NRDC: variants seen among roughly 807,000 people sequenced by gnomAD.
NRDC encodes nardilysin convertase, also known as nardilysin.
A neutral mutation model predicts 147.1 loss-of-function variants in NRDC; 54 were observed. The ratio of observed to expected loss-of-function variants is 0.37; its 90% CI spans 0.29 to 0.46. NRDC has a LOEUF of 0.46. Ranked by LOEUF, NRDC falls within the 20% of genes least tolerant of loss-of-function variation. NRDC has a pLI of 1.00. For missense variants in NRDC, 1,082 were observed against 1,370.6 expected, an observed-to-expected ratio of 0.79 and a Z score of 3.33; for synonymous variants, 440 against 482.1, an observed-to-expected ratio of 0.91 and a Z score of 1.14.
intron 1 of NRDC, among the ~76,000 whole-genome samples, chr1:51,844,640 G>A (rs1211592778): frequency 3.3e-5 from 5 of 151,626 alleles, no homozygotes; most frequent in Non-Finnish European, 5.9e-5. Context: ...TCAGCTACTC[G>A]GGAGGCTGAG....
intron 1 of NRDC, among the ~76,000 whole-genome samples, chr1:51,851,415 T>TTTAATGACATTAA: frequency 6.6e-6 from 1 of 152,004 alleles, no homozygotes; most frequent in Admixed American, 6.5e-5. Context: ...GTTTGTCACC[T>TTTAATGACATTAA]AGGTTTTGCG....
At chr1:51,870,240 T>G (rs1284470309) in intron 1 of NRDC, among the ~76,000 whole-genome samples, 1 of 152,164 alleles carries the variant, frequency 6.6e-6, no homozygotes, top group African/African-American at 2.4e-5. Context: ...TAGCAAACAT[T>G]TAAAGTGAAT....
chr1:51,809,930 GA>G (rs1322968877), intron 16 of NRDC, among the ~76,000 whole-genome samples: 8 of 150,554 alleles, frequency 5.3e-5, no homozygotes, highest in Non-Finnish European at 1.0e-4. Context: ...AAAGAAAAAA[GA>G]GAAATGCAGA....
At chr1:51,795,256 T>G in intron 22 of NRDC, 1 of 1,230,924 alleles carries the variant, frequency 8.1e-7, no homozygotes, top group Non-Finnish European at 1.1e-6. Context: ...GAATACATCC[T>G]CTTCCCTTCT....
At chr1:51,813,538 C>G (rs1161260378) in intron 14 of NRDC, among the ~76,000 whole-genome samples, 1 of 152,156 alleles carries the variant, frequency 6.6e-6, no homozygotes, top group Non-Finnish European at 1.5e-5. Context: ...CTCAAGCAAC[C>G]TGCCTGCTCG....
Position 51,825,365 on chromosome 1 carries a change from G to A in NRDC, c.958C>T (p.Pro320Ser). 6.3e-7 allele frequency: 1 copy of A among 1,590,394 alleles called. No homozygotes were observed. The highest frequency in any genetic ancestry group is 8.5e-7 in the Non-Finnish European group (1 of 1,174,154). ...ATTTCCTTTCTGTTTGCATCAGAAG[G>A]CCTTGCAAGTTGATATTCTGTCAAT... ...AVDSEYQLARPSDANRKEMLF... is the reference protein window; with the variant it reads ...AVDSEYQLARSSDANRKEMLF... Residue 320 changes from proline to serine, a missense_variant, in exon 6 of 31, where the codon CCT becomes TCT. Pro to Ser is a moderately conservative substitution (Grantham distance 74). Around this residue, in one of 3 missense-constraint regions of NRDC, gnomAD observed 635 missense variants for 923.8 expected, o/e 0.69. Transcript: ENST00000352171.
intron 1 of NRDC, among the ~76,000 whole-genome samples, chr1:51,857,083 A>G (rs1682290141): frequency 6.6e-6 from 1 of 152,154 alleles, no homozygotes; most frequent in Non-Finnish European, 1.5e-5. Flanking sequence ...AAACCAATAT[A>G]TATAACATCT....
chr1:51,852,575 G>GT (rs371891090), intron 1 of NRDC, among the ~76,000 whole-genome samples: 1 of 1,094 alleles, frequency 9.1e-4, no homozygotes, highest in African/African-American at 4.2e-3. Flanking sequence ...TATATTTATA[G>GT]TTTTTTTAAT....
intron 22 of NRDC, chr1:51,795,396 C>T: frequency 3.6e-6 from 1 of 274,290 alleles, no homozygotes; most frequent in Non-Finnish European, 7.0e-6. Context: ...CCTGGTACTT[C>T]AACGGTGCTC....
Position 51,850,576 on chromosome 1 carries a change from AAGTAAT to A in NRDC, c.342-10068_342-10063del, listed in dbSNP as rs144787285. On this transcript the variant is annotated intron_variant, in intron 1 of 30. Coordinates refer to ENST00000352171, the MANE Select transcript of NRDC (RefSeq NM_001101662.2). ...AAAGTAAACATGCAACTTAATAAGC[AAGTAAT>A]AGTAACTTTAAAATAGCCAAGGAAG... Among the ~76,000 whole-genome samples the A allele has an allele frequency of 6.9e-3, 1,050 of 152,316 alleles. 13 individuals carry two copies. The highest frequency in any genetic ancestry group is 0.024 in the African/African-American group (1,003 of 41,548).
intron 8 of NRDC, among the ~76,000 whole-genome samples, chr1:51,820,526 T>C (rs937478525): frequency 6.6e-6 from 1 of 152,174 alleles, no homozygotes; most frequent in Non-Finnish European, 1.5e-5. Context: ...TCTGATTTTA[T>C]TAAAGTTTCA....
chr1:51,789,343 A>G lies in NRDC; in HGVS notation c.3349T>C (p.Tyr1117His), dbSNP rs1678444507. Reference protein sequence around the residue: ...NSSCEVMQLTYLPTSPLLADC... With the variant: ...NSSCEVMQLTHLPTSPLLADC... Reference sequence around the variant, plus strand: ...GCCAGCAGAGGAGAGGTTGGCAGGTAGGTCAGCTGCATCACTTCACAAGAA... The same window carrying G: ...GCCAGCAGAGGAGAGGTTGGCAGGTGGGTCAGCTGCATCACTTCACAAGAA... Residue 1117 changes from tyrosine to histidine, a missense_variant, in exon 31 of 31, where the codon TAC (tyrosine) becomes CAC (histidine). Physicochemically the swap from Tyr to His is moderately conservative, Grantham distance 83. Transcript: ENST00000352171. The G allele has an allele frequency of 1.2e-6, 2 of 1,614,088 alleles. No individual in the cohort carries two copies. The highest frequency in any genetic ancestry group is 1.1e-5 in the South Asian group (1 of 91,084).
intron 20 of NRDC, among the ~76,000 whole-genome samples, chr1:51,802,884 T>A: frequency 6.6e-6 from 1 of 152,166 alleles, no homozygotes; most frequent in East Asian, 1.9e-4. Flanking sequence ...AACCTAGATA[T>A]AAAATTTATT....
intron 14 of NRDC, among the ~76,000 whole-genome samples, chr1:51,812,640 T>TCA (rs1337810378): frequency 6.6e-6 from 1 of 152,190 alleles, no homozygotes; most frequent in Non-Finnish European, 1.5e-5. Flanking sequence ...TCTAGTCATA[T>TCA]CACAGCCTCT....
chr1:51,805,516 G>C lies in NRDC; in HGVS notation c.2156C>G (p.Ala719Gly). ...AAAAAAGACAATTGCTTACTTTGCT[G>C]CAGATTTCTGTATCAACGGTGAAAT... Reference protein sequence around the residue: ...HLISPLIQKSAANVVLFDIFV... With the variant: ...HLISPLIQKSGANVVLFDIFV... Residue 719 changes from alanine to glycine, a missense_variant, in exon 19 of 31, where the codon GCA (alanine) becomes GGA (glycine). Ala to Gly is a moderately conservative substitution (Grantham distance 60, BLOSUM62 0). This residue lies in a region of NRDC where 635 missense variants were observed against 923.8 expected (regional missense o/e 0.69). Transcript: ENST00000352171. The C allele has an allele frequency of 6.3e-7, 1 of 1,579,434 alleles. No individual in the cohort carries two copies. Among genetic ancestry groups the C allele is most frequent in the Non-Finnish European group, 8.6e-7 (1 of 1,168,082 alleles).
chr1:51,854,452 T>C (rs968617760), intron 1 of NRDC, among the ~76,000 whole-genome samples: 2 of 152,170 alleles, frequency 1.3e-5, no homozygotes, highest in Non-Finnish European at 2.9e-5. Flanking sequence ...GGCAGAGCAG[T>C]CTGCACCCCA....
At chr1:51,837,207 A>C (rs933110917) in intron 2 of NRDC, among the ~76,000 whole-genome samples, 1 of 152,124 alleles carries the variant, frequency 6.6e-6, no homozygotes, top group East Asian at 1.9e-4. Flanking sequence ...ACTTTTGTAA[A>C]TGTCAATTTT....
At chr1:51,865,017 A>T (rs1459826263) in intron 1 of NRDC, among the ~76,000 whole-genome samples, 2 of 152,024 alleles carry the variant, frequency 1.3e-5, no homozygotes, top group Non-Finnish European at 2.9e-5. Flanking sequence ...AATAAGATAC[A>T]AAAAGTGCAA....
chr1:51,790,893 C>G lies in NRDC; in HGVS notation c.3051+7G>C, dbSNP rs756037059. 1 of 1,609,900 alleles carries G rather than the reference C, an allele frequency of 6.2e-7. No individual in the cohort carries two copies. The highest frequency in any genetic ancestry group is 1.3e-5 in the African/African-American group (1 of 74,930). On this transcript the variant is annotated splice_region_variant and intron_variant, in intron 28 of 30. Coordinates refer to ENST00000352171, the MANE Select transcript of NRDC (RefSeq NM_001101662.2). ...CAAAGGCCAAAAGACCAGGCTGGCA[C>G]AGTCACCTGGGTGTTGAATGCCTCT...
Sources: allele counts gnomAD v4.1 joint callset (sites outside exome capture counted in the v4.1 genomes callset), GRCh38; gene constraint gnomAD v4.1.1; regional missense constraint gnomAD v4.1.1; transcripts MANE v1.5; gene names NCBI Gene and HGNC (gene_info 2026-07-23, HGNC 2026-07-21).